The following TNRC6B variants were observed in gnomAD, a reference collection of about 807,000 sequenced individuals.
TNRC6B encodes the protein trinucleotide repeat-containing gene 6B protein.
A neutral mutation model predicts 203.6 loss-of-function variants in TNRC6B; 52 were observed. The ratio of observed to expected loss-of-function variants is 0.26; its 90% confidence interval spans 0.20 to 0.32. The LOEUF (loss-of-function observed/expected upper bound fraction) is 0.32. Ranked by LOEUF, TNRC6B falls within the 10% of genes least tolerant of loss-of-function variation. TNRC6B has a pLI of 1.00. For synonymous variants in TNRC6B, 838 were observed against 845.7 expected, an observed-to-expected ratio of 0.99 and a Z score of 0.16; for missense variants, 1,923 against 2,286.2, an observed-to-expected ratio of 0.84 and a Z score of 3.24.
chr22:40,079,782 C>A (rs2068049986), intron 1 of TNRC6B, among the ~76,000 whole-genome samples: 1 of 151,606 alleles, frequency 6.6e-6, no homozygotes, highest in African/African-American at 2.4e-5. Context: ...CCACACCTGG[C>A]TAATTTTTTT....
Position 40,177,959 on chromosome 22 carries a change from AGT to A in TNRC6B, c.-171_-170del, listed in dbSNP as rs778012877. 19 of 1,421,510 alleles carry A rather than the reference AGT, an allele frequency of 1.3e-5. No individual in the cohort carries two copies. Among genetic ancestry groups the A allele is most frequent in the Admixed American group, 3.0e-5 (1 of 32,920 alleles). The allele number at this position is 1,421,510 out of a possible 1,614,324, so 88.1% of individuals were successfully genotyped here. ...GAGGGAGAGAGAGAGCAAGAGGGAG[AGT>A]GTGTGAGAGAGAGTTAGTTCAAGCC... On this transcript the variant is annotated 5_prime_UTR_variant, in exon 1 of 23. Coordinates refer to ENST00000454349, the MANE Select transcript of TNRC6B (RefSeq NM_001162501.2).
intron 2 of TNRC6B, among the ~76,000 whole-genome samples, chr22:40,123,151 C>G (rs1257303957): frequency 6.6e-6 from 1 of 152,022 alleles, no homozygotes; most frequent in African/African-American, 2.4e-5. Context: ...TTGGTAGGAT[C>G]TTATTGGGAC....
At chr22:40,261,462 G>T (rs913157016) in intron 3 of TNRC6B, among the ~76,000 whole-genome samples, 1 of 151,736 alleles carries the variant, frequency 6.6e-6, no homozygotes, top group African/African-American at 2.4e-5. Context: ...CCTGTAATCC[G>T]AGCTACTTGG....
chr22:40,083,778 C>T (rs140873852), intron 1 of TNRC6B, among the ~76,000 whole-genome samples: 1,634 of 152,102 alleles, frequency 0.011, 21 homozygotes, highest in Non-Finnish European at 0.015. Flanking sequence ...AAAATTGATG[C>T]AGATTCAGGT....
upstream of TNRC6B, among the ~76,000 whole-genome samples, chr22:40,176,188 G>A (rs977794481): frequency 6.0e-5 from 9 of 149,880 alleles, no homozygotes; most frequent in Non-Finnish European, 1.2e-4. Context: ...GCAATGGCGC[G>A]ATCTCGGCTC....
chr22:40,058,153 AGAG>A (rs1043089722), intron 1 of TNRC6B, among the ~76,000 whole-genome samples: 18 of 152,222 alleles, frequency 1.2e-4, no homozygotes, highest in South Asian at 4.1e-4. Context: ...TGCTCCAGAA[AGAG>A]GAGATCTTTT....
At chr22:40,246,356 A>C (rs2070106937) in intron 2 of TNRC6B, 1 of 246,226 alleles carries the variant, frequency 4.1e-6, no homozygotes, top group African/African-American at 2.3e-5. Context: ...CGCCTGGCTA[A>C]TTTTTGTGTT....
chr22:40,154,875 A>ATATATATATG (rs2068804393), intron 3 of TNRC6B, among the ~76,000 whole-genome samples: 1 of 51,372 alleles, frequency 1.9e-5, no homozygotes, highest in Non-Finnish European at 3.5e-5. Flanking sequence ...ATATATATAT[A>ATATATATATG]TATATATATA....
intron 1 of TNRC6B, among the ~76,000 whole-genome samples, chr22:40,193,964 G>C (rs1048807682): frequency 6.6e-6 from 1 of 152,192 alleles, no homozygotes; most frequent in Non-Finnish European, 1.5e-5. Flanking sequence ...GCTGTGCAGG[G>C]GTTTTTTTTC....
intron 1 of TNRC6B, among the ~76,000 whole-genome samples, chr22:40,096,145 A>G (rs1174782940): frequency 2.0e-5 from 3 of 152,238 alleles, no homozygotes; most frequent in African/African-American, 7.2e-5. Flanking sequence ...TAAATGGTCA[A>G]CCACTCAATG....
chr22:40,152,714 G>T (rs960996826), intron 3 of TNRC6B, among the ~76,000 whole-genome samples: 1 of 151,906 alleles, frequency 6.6e-6, no homozygotes, highest in Non-Finnish European at 1.5e-5. Flanking sequence ...CTTGTGATCC[G>T]CCTGCCTCAG....
chr22:40,155,674 C>T (rs1393385926), intron 3 of TNRC6B, among the ~76,000 whole-genome samples: 3 of 152,032 alleles, frequency 2.0e-5, no homozygotes, highest in African/African-American at 7.3e-5. Context: ...CCCTTGTCAA[C>T]ACTTGGTATT....
At position 40,072,849 on chromosome 22, in the gene TNRC6B, G is replaced by A. The variant is rs374592943; in HGVS notation, c.-121+27851G>A. On this transcript the variant is annotated intron_variant, in intron 1 of 23. Transcript: ENST00000301923. Reference sequence around the variant, plus strand: ...ATTGCATTCCAGCCTGGGCAACAGAGCGAGATTCTCTCAAAAAAAAAAAAA... The same window carrying A: ...ATTGCATTCCAGCCTGGGCAACAGAACGAGATTCTCTCAAAAAAAAAAAAA... Among the ~76,000 whole-genome samples the A allele has an allele frequency of 1.3e-4, 16 of 126,548 alleles. 2 individuals carry two copies. Among genetic ancestry groups the A allele is most frequent in the Admixed American group, 1.1e-3 (13 of 11,412 alleles). 83.0% of individuals were successfully genotyped at this position (126,548 alleles called of 152,430 possible). A position where few individuals can be genotyped will look rare whatever the true frequency, so the allele number is the denominator to read the frequency against.
chr22:40,147,876 A>G (rs2068709093), intron 3 of TNRC6B, among the ~76,000 whole-genome samples: 1 of 152,194 alleles, frequency 6.6e-6, no homozygotes, highest in Non-Finnish European at 1.5e-5. Context: ...AAGGAGGATG[A>G]AAGGGAGGCA....
At position 40,323,014 on chromosome 22, in the gene TNRC6B, G is replaced by T; in HGVS notation, c.5275G>T (p.Val1759Leu). ...LETGQNQSDP[V>L]GPALNLFGGS... ...GACCGGCCAGAACCAGTCAGATCCC[G>T]TGGGACCTGCTCTGAATCTTTTTGG... Residue 1759 changes from valine to leucine, a missense_variant, in exon 23 of 23, where the codon GTG becomes TTG. Around this residue, in one of 8 missense-constraint regions of TNRC6B, gnomAD observed 126 missense variants for 137.5 expected, o/e 0.92. Coordinates refer to ENST00000454349, the MANE Select transcript of TNRC6B (RefSeq NM_001162501.2). 6.2e-7 allele frequency: 1 copy of T among 1,605,490 alleles called. No individual in the cohort carries two copies. Among genetic ancestry groups the T allele is most frequent in the South Asian group, 1.1e-5 (1 of 89,922 alleles).
intron 1 of TNRC6B, among the ~76,000 whole-genome samples, chr22:40,113,546 G>T (rs915977079): frequency 6.6e-6 from 1 of 152,090 alleles, no homozygotes; most frequent in African/African-American, 2.4e-5. Flanking sequence ...TTGTAGAGAT[G>T]GGGTTTCACC....
intron 1 of TNRC6B, among the ~76,000 whole-genome samples, chr22:40,104,137 A>C (rs1013171035): frequency 4.0e-5 from 6 of 151,890 alleles, no homozygotes; most frequent in Non-Finnish European, 8.8e-5. Flanking sequence ...TATAATCCTA[A>C]CTACTCAGGA....
chr22:40,199,959 C>T (rs570552187), intron 1 of TNRC6B, among the ~76,000 whole-genome samples: 1 of 152,046 alleles, frequency 6.6e-6, no homozygotes, highest in East Asian at 1.9e-4. Context: ...CCACCATACC[C>T]GACTAATTTT....
At chr22:40,070,502 T>G (rs2067937941) in intron 1 of TNRC6B, among the ~76,000 whole-genome samples, 1 of 152,220 alleles carries the variant, frequency 6.6e-6, no homozygotes, top group African/African-American at 2.4e-5. Context: ...AAGGCTGATT[T>G]CAGTGTTTCC....
Sources: gnomAD v4.1 joint callset for allele counts (sites outside exome capture counted in the v4.1 genomes callset) on GRCh38, gnomAD v4.1.1 for gene constraint, gnomAD v4.1.1 regional missense constraint, MANE v1.5 for transcripts, NCBI Gene and HGNC (gene_info 2026-07-23, HGNC 2026-07-21) for gene names.